Variants in ARHGAP21 observed in about 807,000 individuals in gnomAD.
ARHGAP21 encodes Rho GTPase activating protein 21, also known as rho GTPase-activating protein 21.
ARHGAP21 carries 38 observed loss-of-function variants against 164.6 expected under a neutral mutation model. The ratio of observed to expected loss-of-function variants is 0.23; its 90% confidence interval spans 0.18 to 0.30. ARHGAP21 has a LOEUF of 0.30. Among genes scored for constraint, ARHGAP21 ranks in the 10% least tolerant of loss-of-function variants. ARHGAP21 has a pLI of 1.00. For synonymous variants in ARHGAP21, 766 were observed against 857.9 expected, an observed-to-expected ratio of 0.89 and a Z score of 1.87; for missense variants, 1,822 against 2,370.7, an observed-to-expected ratio of 0.77 and a Z score of 4.81.
intron 2 of ARHGAP21, among the ~76,000 whole-genome samples, chr10:24,712,311 G>A (rs1396243164): frequency 1.3e-5 from 2 of 152,166 alleles, no homozygotes; most frequent in Non-Finnish European, 2.9e-5. Flanking sequence ...AGAAGGCCAT[G>A]TACGGACAGG....
chr10:24,634,438 C>T (rs1385948686), intron 5 of ARHGAP21, among the ~76,000 whole-genome samples: 1 of 152,062 alleles, frequency 6.6e-6, no homozygotes, highest in Non-Finnish European at 1.5e-5. Flanking sequence ...AGAGTGTGCA[C>T]TAATATAAAT....
intron 4 of ARHGAP21, among the ~76,000 whole-genome samples, chr10:24,651,841 T>TA (rs1838200620): frequency 6.6e-6 from 1 of 152,164 alleles, no homozygotes; most frequent in Non-Finnish European, 1.5e-5. Context: ...ATAAACAATA[T>TA]AAAACAAATC....
chr10:24,591,581 C>T (rs1194825151), intron 23 of ARHGAP21, 61 bp downstream of exon 23: 24 of 1,582,378 alleles, frequency 1.5e-5, no homozygotes, highest in South Asian at 3.3e-5. Context: ...ATTGTTGGCG[C>T]GCCAGGATCT....
Position 24,591,890 on chromosome 10 carries a change from C to T in ARHGAP21, c.3999G>A (p.Gln1333=). ...CAGAGATGAAGCATGAACTTACGTG[C>T]TGGATGAGCGTTTCTACAATCTTGT... ...DQYKIVETLI[Q]HHDWFFTEEG... The change falls in exon 22 of 26, where the codon CAG becomes CAA. Residue 1333 remains glutamine (Q), a synonymous_variant. Coordinates refer to ENST00000396432, the MANE Select transcript of ARHGAP21 (RefSeq NM_020824.4). 1 of 1,605,236 alleles carries T rather than the reference C, an allele frequency of 6.2e-7. No individual in the cohort carries two copies. Among genetic ancestry groups the T allele is most frequent in the Non-Finnish European group, 8.5e-7 (1 of 1,177,494 alleles).
rs1202705476 is a variant in ARHGAP21, at chr10:24,635,121, A to C, written c.269-18T>G. 6 of 1,531,274 alleles carry C rather than the reference A, an allele frequency of 3.9e-6. No homozygotes were observed. The South Asian group carries it at 6.1e-5, about 16-fold the overall frequency. The allele number at this position is 1,531,274 out of a possible 1,614,324, so 94.9% of individuals were successfully genotyped here. A position where few individuals can be genotyped will look rare whatever the true frequency, so the allele number is the denominator to read the frequency against. The stretch of plus-strand genomic sequence containing the variant: ...TTGTTTTCCTGTTACAGAGAAGCCC[A>C]AAGCATGATTTTACTTCACAATACT... On this transcript the variant is annotated intron_variant, in intron 4 of 25. Transcript: ENST00000396432.
At chr10:24,699,281 TTTA>T (rs1843435876) in intron 2 of ARHGAP21, among the ~76,000 whole-genome samples, 1 of 152,102 alleles carries the variant, frequency 6.6e-6, no homozygotes, top group African/African-American at 2.4e-5. Flanking sequence ...TCCATATAAT[TTTA>T]TTATTTACTC....
At chr10:24,625,917 A>C (rs1835098090) in intron 7 of ARHGAP21, among the ~76,000 whole-genome samples, 1 of 152,212 alleles carries the variant, frequency 6.6e-6, no homozygotes, top group Admixed American at 6.5e-5. Context: ...ACTTATGGTA[A>C]GCCACCTAAA....
chr10:24,678,168 T>C (rs1164389653), intron 2 of ARHGAP21, among the ~76,000 whole-genome samples: 2 of 152,088 alleles, frequency 1.3e-5, no homozygotes, highest in African/African-American at 4.8e-5. Flanking sequence ...CTTTACGCAA[T>C]TTCCTTCAAC....
chr10:24,596,541 G>T, intron 17 of ARHGAP21, 199 bp downstream of exon 17: 2 of 657,134 alleles, frequency 3.0e-6, no homozygotes, highest in South Asian at 4.6e-5. Context: ...CCTAATGGTT[G>T]AATAATTATT....
chr10:24,715,782 T>C (rs10734057), intron 2 of ARHGAP21, among the ~76,000 whole-genome samples: 125,804 of 152,172 alleles, frequency 0.83, 52,325 homozygotes, highest in African/African-American at 0.93. Flanking sequence ...ATGAGGTGGG[T>C]GGATCACTTT....
rs1303303861 is a variant in ARHGAP21 at position 24,620,277 on chromosome 10, T to C, written c.1618A>G (p.Ile540Val). 6.2e-7 allele frequency: 1 copy of C among 1,613,996 alleles called. No individual in the cohort carries two copies. Among genetic ancestry groups the C allele is most frequent in the Admixed American group, 1.7e-5 (1 of 60,014 alleles). The change falls in exon 9 of 26, where the codon ATT becomes GTT. Residue 540 changes from isoleucine (I) to valine (V), a missense_variant. Transcript: ENST00000396432. Reference protein sequence around the residue: ...GFTEQDDRRGICERPRQQEIH... With the variant: ...GFTEQDDRRGVCERPRQQEIH... ...TCTTGCTGCCTAGGTCTTTCACAAA[T>C]ACCTCGTCTATCATCCTGTTCAGTA...
At chr10:24,636,628 A>G (rs1408949022) in intron 4 of ARHGAP21, among the ~76,000 whole-genome samples, 1 of 152,220 alleles carries the variant, frequency 6.6e-6, no homozygotes. Context: ...TGTATGCACC[A>G]AGATGGCTTA....
At chr10:24,697,860 CAAAAAAAT>C (rs951454359) in intron 2 of ARHGAP21, among the ~76,000 whole-genome samples, 10 of 149,742 alleles carry the variant, frequency 6.7e-5, no homozygotes, top group African/African-American at 2.0e-4. Flanking sequence ...AACTCCATCT[CAAAAAAAT>C]AAAAAAATAA....
chr10:24,590,058 A>G, intron 24 of ARHGAP21: 1 of 524,134 alleles, frequency 1.9e-6, no homozygotes, highest in Non-Finnish European at 2.6e-6. Flanking sequence ...GGAAGGGGCT[A>G]GCAATATTCA....
At chr10:24,668,901 C>G (rs912352024) in intron 3 of ARHGAP21, among the ~76,000 whole-genome samples, 2 of 152,034 alleles carry the variant, frequency 1.3e-5, no homozygotes, top group African/African-American at 4.8e-5. Flanking sequence ...ACCCAAAGCT[C>G]TTATTCAAAA....
At chr10:24,662,539 C>A (rs1322090624) in intron 4 of ARHGAP21, among the ~76,000 whole-genome samples, 1 of 152,110 alleles carries the variant, frequency 6.6e-6, no homozygotes, top group Non-Finnish European at 1.5e-5. Flanking sequence ...AGATTAAGTT[C>A]TCAGTCATGC....
chr10:24,592,238 ACTG>A (rs1296157808), intron 21 of ARHGAP21, among the ~76,000 whole-genome samples: 1 of 136,484 alleles, frequency 7.3e-6, no homozygotes, highest in Non-Finnish European at 1.5e-5. Context: ...ATCACAGCTT[ACTG>A]CACTCTCGAT....
At chr10:24,683,588 C>T (rs1841967317) in intron 2 of ARHGAP21, among the ~76,000 whole-genome samples, 1 of 151,926 alleles carries the variant, frequency 6.6e-6, no homozygotes, top group Non-Finnish European at 1.5e-5. Flanking sequence ...ACCTCCCAAG[C>T]CCAAGCAATC....
intron 7 of ARHGAP21, among the ~76,000 whole-genome samples, chr10:24,628,087 G>C (rs1161269700): frequency 6.6e-6 from 1 of 152,182 alleles, no homozygotes; most frequent in Non-Finnish European, 1.5e-5. Flanking sequence ...AAGAGCACTA[G>C]AGAAGAATTC....
Sources: allele counts gnomAD v4.1 joint callset (sites outside exome capture counted in the v4.1 genomes callset), GRCh38; gene constraint gnomAD v4.1.1; transcripts MANE v1.5; gene names NCBI Gene and HGNC (gene_info 2026-07-23, HGNC 2026-07-21).